The following ADGRD1 variants were observed in gnomAD, a reference collection of about 807,000 sequenced individuals.
ADGRD1 encodes G-protein coupled receptor 133.
In ADGRD1, 77 loss-of-function variants were observed where a neutral mutation model predicts 113.4. The observed-to-expected ratio is 0.68, with a 90% CI of 0.57 to 0.82. The LOEUF (loss-of-function observed/expected upper bound fraction) is 0.82. Ranked by LOEUF, ADGRD1 falls within the 40% of genes least tolerant of loss-of-function variation. The probability of loss-of-function intolerance (pLI) is 0.00; values close to 1 mark genes in which losing one functional copy is unlikely to be tolerated. For missense variants in ADGRD1, 1,036 were observed against 1,139.1 expected (o/e 0.91, Z 1.30); for synonymous variants, 474 against 475.0 (o/e 1.00, Z 0.03).
chr12:131,107,453 C>T (rs956212450), intron 17 of ADGRD1, among the ~76,000 whole-genome samples: 1 of 150,366 alleles, frequency 6.7e-6, no homozygotes, highest in Admixed American at 6.6e-5. Flanking sequence ...GTGTCTAAAT[C>T]CCAGGGAAGG....
At chr12:130,985,510 A>G (rs1425410704) in intron 5 of ADGRD1, among the ~76,000 whole-genome samples, 1 of 152,002 alleles carries the variant, frequency 6.6e-6, no homozygotes, top group Non-Finnish European at 1.5e-5. Context: ...TATTAGACCT[A>G]TAGTCCATTT....
In ADGRD1 at chr12:131,084,805, C is replaced by A; in HGVS notation, c.1671+142C>A. 1.1e-6 allele frequency: 1 copy of A among 901,796 alleles called. No homozygotes were observed. The highest frequency in any genetic ancestry group is 3.2e-4 in the Middle Eastern group (1 of 3,092). The allele number at this position is 901,796 out of a possible 1,614,324, so 55.9% of individuals were successfully genotyped here. On this transcript the variant is annotated intron_variant, in intron 15 of 24. Coordinates refer to ENST00000261654, the MANE Select transcript of ADGRD1 (RefSeq NM_198827.5). The surrounding 1 kb of genome is among the most constrained non-coding windows in gnomAD (Gnocchi z 4.5). Reference sequence around the variant, plus strand: ...GGGGCCTGTGTTTACAGACGGAATCCATTCTCTTGGCTTCTGTAGTCCAGG... The same window carrying A: ...GGGGCCTGTGTTTACAGACGGAATCAATTCTCTTGGCTTCTGTAGTCCAGG...
At chr12:131,134,402 C>T (rs770954498) in intron 21 of ADGRD1, among the ~76,000 whole-genome samples, 2 of 152,340 alleles carry the variant, frequency 1.3e-5, no homozygotes, top group Non-Finnish European at 2.9e-5. Context: ...GCGTCTTCCC[C>T]CAAGATCTTC....
At chr12:131,104,786 G>C (rs1434341877) in intron 15 of ADGRD1, 45 bp from the exon 16 acceptor site, 1 of 1,366,706 alleles carries the variant, frequency 7.3e-7, no homozygotes, top group South Asian at 1.3e-5. Flanking sequence ...GGCTCCGATG[G>C]GGTGCCTGGG....
In ADGRD1 at chr12:130,997,197, C is replaced by CT. The variant is rs1179383505; in HGVS notation, c.967-3186_967-3185insT. Among the ~76,000 whole-genome samples, 2 of 143,278 alleles carry CT rather than the reference C, an allele frequency of 1.4e-5. 1 individual carries two copies. The highest frequency in any genetic ancestry group is 4.3e-4 in the East Asian group (2 of 4,674). 94.0% of individuals were successfully genotyped at this position (143,278 alleles called of 152,430 possible). A position where few individuals can be genotyped will look rare whatever the true frequency, so the allele number is the denominator to read the frequency against. ...GCCGGGCGGGGGGCTGACCCCCCCC[C>CT]CCGGACGGGGCAGCTGGCCGGGCAG... On this transcript the variant is annotated intron_variant, in intron 8 of 24. Coordinates refer to ENST00000261654, the MANE Select transcript of ADGRD1 (RefSeq NM_198827.5).
intron 22 of ADGRD1, among the ~76,000 whole-genome samples, chr12:131,136,510 C>A (rs1951090324): frequency 6.6e-6 from 1 of 152,202 alleles, no homozygotes; most frequent in South Asian, 2.1e-4. Context: ...TGTGAAGGGC[C>A]AGGGAGGGTC....
At chr12:130,976,307 AC>A (rs1872300792) in intron 4 of ADGRD1, among the ~76,000 whole-genome samples, 1 of 151,680 alleles carries the variant, frequency 6.6e-6, no homozygotes, top group East Asian at 1.9e-4. Flanking sequence ...CATTCAGCAC[AC>A]TCCTTGAACA....
intron 3 of ADGRD1, chr12:130,968,696 T>A (rs920146536): frequency 2.2e-6 from 1 of 450,902 alleles, no homozygotes; most frequent in Non-Finnish European, 4.0e-6. Context: ...TCTGCCTATG[T>A]GTTGGAGCCA....
intron 12 of ADGRD1, among the ~76,000 whole-genome samples, chr12:131,010,089 G>A (rs1877679680): frequency 6.6e-6 from 1 of 152,222 alleles, no homozygotes; most frequent in Admixed American, 6.5e-5. Flanking sequence ...GAAGTCGCCT[G>A]TTACCCTCGA....
Position 131,003,912 on chromosome 12 carries a change from T to C in ADGRD1, c.1145-274T>C, listed in dbSNP as rs533369382. Reference sequence around the variant, plus strand: ...CCATCCTTGCACCGGCCTTGAGAGCTGGGGGCTGTGCTGGGGCGGAGGGCG... The same window carrying C: ...CCATCCTTGCACCGGCCTTGAGAGCCGGGGGCTGTGCTGGGGCGGAGGGCG... On this transcript the variant is annotated intron_variant, in intron 10 of 24. Transcript: ENST00000261654. This position sits in a 1 kb window ranked among gnomAD's most constrained non-coding sequence, Gnocchi z 4.8. Among the ~76,000 whole-genome samples, 51 of 151,944 alleles carry C rather than the reference T, an allele frequency of 3.4e-4. 1 individual carries two copies. Among genetic ancestry groups the C allele is most frequent in the African/African-American group, 1.2e-3 (49 of 41,438 alleles).
At chr12:130,981,227 C>T (rs1474058661) in intron 4 of ADGRD1, 13 of 152,058 alleles carry the variant, frequency 8.5e-5, no homozygotes, top group Admixed American at 8.5e-4. Context: ...TGGAAGAAAA[C>T]CTTAAGATCC....
intron 15 of ADGRD1, among the ~76,000 whole-genome samples, chr12:131,090,421 G>A (rs1332627537): frequency 6.6e-6 from 1 of 152,146 alleles, no homozygotes. Flanking sequence ...CTGCTCAGGA[G>A]CTCACATCCT....
intron 13 of ADGRD1, among the ~76,000 whole-genome samples, chr12:131,043,978 C>T (rs574095158): frequency 6.6e-6 from 1 of 152,220 alleles, no homozygotes; most frequent in Admixed American, 6.5e-5. Flanking sequence ...TTTGGCCGGG[C>T]CACTAGAGGT....
chr12:131,105,830 C>T lies in ADGRD1; in HGVS notation c.1852C>T (p.Leu618=). The change falls in exon 17 of 25, where the codon CTG becomes TTG. Residue 618 remains leucine (L), a synonymous_variant. Transcript: ENST00000261654. The part of the protein sequence containing the change: ...LSFAVLVAQV[L]LLISFRLEPG... ...CTTCGCCGTGCTGGTGGCCCAGGTC[C>T]TGCTGCTCATTAGTTTCCGCCTCGA... is the stretch of plus-strand genomic sequence containing the variant. 6.2e-7 allele frequency: 1 copy of T among 1,600,594 alleles called. No homozygotes were observed. The highest frequency in any genetic ancestry group is 1.1e-5 in the South Asian group (1 of 91,032).
intron 12 of ADGRD1, among the ~76,000 whole-genome samples, chr12:131,006,821 C>T (rs1347395418): frequency 6.6e-6 from 1 of 152,018 alleles, no homozygotes; most frequent in South Asian, 2.1e-4. Context: ...GCATGCTTAC[C>T]GATTTCCTCC....
rs1156507809 is a variant in ADGRD1 at position 130,971,925 on chromosome 12, G to A, written c.310+345G>A. 1.3e-5 allele frequency among the ~76,000 whole-genome samples: 2 copies of A among 152,202 alleles called. No individual in the cohort carries two copies. The highest frequency in any genetic ancestry group is 2.9e-5 in the Non-Finnish European group (2 of 68,040). On this transcript the variant is annotated intron_variant, in intron 4 of 24. Coordinates refer to ENST00000261654, the MANE Select transcript of ADGRD1 (RefSeq NM_198827.5). The surrounding 1 kb of genome is among the most constrained non-coding windows in gnomAD (Gnocchi z 4.2). ...TGGCGTTTGTGGGAAGGAAATTGAT[G>A]GCATGGCACCTGCAGTGTGATTTCT... is the stretch of plus-strand genomic sequence containing the variant.
chr12:131,124,585 A>G (rs546437986), intron 20 of ADGRD1, among the ~76,000 whole-genome samples: 92 of 152,100 alleles, frequency 6.0e-4, no homozygotes, highest in African/African-American at 2.1e-3. Flanking sequence ...TGCTGGGCCT[A>G]GGGTTGAGGA....
Position 131,022,057 on chromosome 12 carries a change from G to A in ADGRD1, c.1473+7717G>A, listed in dbSNP as rs1000315366. 1.3e-5 allele frequency among the ~76,000 whole-genome samples: 2 copies of A among 152,070 alleles called. No homozygotes were observed. Among genetic ancestry groups the A allele is most frequent in the African/African-American group, 4.8e-5 (2 of 41,404 alleles). ...ACGTTGGATTAGGGCCTACTCTAATGACCTCATTTTATCTTAATCACCCCT... is the reference window on the plus strand; with the variant it reads ...ACGTTGGATTAGGGCCTACTCTAATAACCTCATTTTATCTTAATCACCCCT... On this transcript the variant is annotated intron_variant, in intron 13 of 24. Transcript: ENST00000261654. The surrounding 1 kb of genome is among the most constrained non-coding windows in gnomAD (Gnocchi z 4.6).
intron 12 of ADGRD1, among the ~76,000 whole-genome samples, chr12:131,008,166 T>C (rs1009201021): frequency 4.6e-5 from 7 of 152,246 alleles, no homozygotes; most frequent in African/African-American, 1.7e-4. Context: ...TTCTTAAACA[T>C]GACATACAAG....
Sources: allele counts gnomAD v4.1 joint callset (sites outside exome capture counted in the v4.1 genomes callset), GRCh38; gene constraint gnomAD v4.1.1; non-coding constraint Gnocchi (gnomAD v3.1); transcripts MANE v1.5; gene names NCBI Gene and HGNC (gene_info 2026-07-23, HGNC 2026-07-21).